GLIS3: variants seen among roughly 807,000 people sequenced by gnomAD.
The protein encoded by GLIS3 is GLIS family zinc finger 3.
Under a neutral mutation model 78.6 loss-of-function variants are expected in GLIS3, and 53 were observed. The ratio of observed to expected loss-of-function variants is 0.67; its 90% CI spans 0.54 to 0.85. The LOEUF is 0.85. Ranked by LOEUF, GLIS3 falls within the 40% of genes least tolerant of loss-of-function variation. The pLI is 0.00. For missense variants in GLIS3, 1,703 were observed against 1,231.1 expected (o/e 1.38, Z -5.74); for synonymous variants, 684 against 509.9 (o/e 1.34, Z -4.60).
intron 6 of GLIS3, among the ~76,000 whole-genome samples, chr9:3,901,581 G>GTT (rs1588185086): frequency 6.6e-6 from 1 of 152,214 alleles, no homozygotes; most frequent in African/African-American, 2.4e-5. Flanking sequence ...GTAAGTTACT[G>GTT]TTTAGAGAGA....
the GLIS3 span, among the ~76,000 whole-genome samples, chr9:4,418,346 T>C: frequency 6.6e-6 from 1 of 152,224 alleles, no homozygotes; most frequent in Non-Finnish European, 1.5e-5. Context: ...TGTAGCCTTA[T>C]GCAAGTCACA....
intron 2 of GLIS3, among the ~76,000 whole-genome samples, chr9:4,247,029 CA>C (rs1202948082): frequency 6.6e-6 from 1 of 152,140 alleles, no homozygotes; most frequent in Non-Finnish European, 1.5e-5. Context: ...TTCACTAGAA[CA>C]ACTGAGTTTT....
chr9:4,025,376 G>A (rs144673315), intron 4 of GLIS3, among the ~76,000 whole-genome samples: 37 of 152,196 alleles, frequency 2.4e-4, no homozygotes, highest in African/African-American at 8.4e-4. Context: ...TTGACCCTTG[G>A]TTGGTTTATT....
chr9:4,215,164 T>C (rs1820706802), intron 2 of GLIS3, among the ~76,000 whole-genome samples: 1 of 152,160 alleles, frequency 6.6e-6, no homozygotes, highest in African/African-American at 2.4e-5. Context: ...TCCAACCTCC[T>C]CCTTGAAGAA....
intron 2 of GLIS3, among the ~76,000 whole-genome samples, chr9:4,325,208 AT>A (rs1259438271): frequency 1.3e-5 from 2 of 152,200 alleles, no homozygotes; most frequent in Non-Finnish European, 2.9e-5. Context: ...TGCAAATACA[AT>A]CACATTTTTT....
chr9:4,425,055 C>G, the GLIS3 span, among the ~76,000 whole-genome samples: 1 of 152,062 alleles, frequency 6.6e-6, no homozygotes, highest in East Asian at 1.9e-4. Context: ...AACACAATGA[C>G]TGGAAGCTGA....
At chr9:4,065,958 C>G (rs1397290402) in intron 4 of GLIS3, among the ~76,000 whole-genome samples, 4 of 151,082 alleles carry the variant, frequency 2.6e-5, no homozygotes, top group Non-Finnish European at 5.9e-5. Context: ...AAATATGAGA[C>G]TTCCTGGTGA....
At position 4,118,849 on chromosome 9, in the gene GLIS3, G is replaced by C. The variant is rs746828453; in HGVS notation, c.629C>G (p.Thr210Arg). Residue 210 changes from threonine (T) to arginine (R), a missense_variant, in exon 4 of 11, where the codon ACG becomes AGG. Coordinates refer to ENST00000381971, the MANE Select transcript of GLIS3 (RefSeq NM_001042413.2). This position sits in a 1 kb window ranked among gnomAD's most constrained non-coding sequence, Gnocchi z 4.7. ...CTGACTTTCCGTCAGACTCAAGGTC[G>C]TGGACGCCAAAGACTCACGCGAAAT... is the stretch of plus-strand genomic sequence containing the variant. ...SLISRESLAS[T>R]TLSLTESQSA... The C allele has an allele frequency of 1.9e-6, 3 of 1,603,450 alleles. No homozygotes were observed. The highest frequency in any genetic ancestry group is 2.7e-5 in the African/African-American group (2 of 74,876).
At chr9:4,338,471 G>C (rs942592782) in intron 2 of GLIS3, among the ~76,000 whole-genome samples, 16 of 151,870 alleles carry the variant, frequency 1.1e-4, no homozygotes, top group African/African-American at 3.9e-4. Context: ...CTCAGGACTG[G>C]TATTTGGGAG....
rs1026211453 is a variant in GLIS3, at chr9:3,856,245, C to T, written c.2298-61G>A. 5 of 1,461,912 alleles carry T rather than the reference C, an allele frequency of 3.4e-6. No individual in the cohort carries two copies. The Admixed American group carries it at 7.6e-5, about 22-fold the overall frequency. 90.6% of individuals were successfully genotyped at this position (1,461,912 alleles called of 1,614,324 possible). On this transcript the variant is annotated intron_variant, in intron 8 of 10. Coordinates refer to ENST00000381971, the MANE Select transcript of GLIS3 (RefSeq NM_001042413.2). ...ATAAAACAGCAGGAACAAAGACAAA[C>T]TCTCCAAAGCCAAATTCTCACCTCC...
At chr9:4,133,789 A>C (rs994836533) in intron 2 of GLIS3, among the ~76,000 whole-genome samples, 2 of 151,554 alleles carry the variant, frequency 1.3e-5, no homozygotes, top group African/African-American at 4.8e-5. Context: ...GAGTGCCCAG[A>C]AACAGCATGC....
chr9:4,223,851 C>T (rs763924977), intron 2 of GLIS3, among the ~76,000 whole-genome samples: 1 of 152,054 alleles, frequency 6.6e-6, no homozygotes, highest in Non-Finnish European at 1.5e-5. Flanking sequence ...TTACAAATGT[C>T]GGGAATTCTA....
At chr9:4,450,712 G>T in the GLIS3 span, among the ~76,000 whole-genome samples, 2 of 152,166 alleles carry the variant, frequency 1.3e-5, no homozygotes, top group African/African-American at 4.8e-5. Context: ...TTAAAGAAAA[G>T]AATTTTCAAC....
chr9:4,255,854 T>C (rs1473260471), intron 2 of GLIS3, among the ~76,000 whole-genome samples: 1 of 152,124 alleles, frequency 6.6e-6, no homozygotes, highest in African/African-American at 2.4e-5. Flanking sequence ...AGGTAAACTA[T>C]GGACTCTGGG....
intron 4 of GLIS3, among the ~76,000 whole-genome samples, chr9:3,971,070 T>G (rs1458102079): frequency 1.6e-5 from 1 of 63,908 alleles, no homozygotes. Flanking sequence ...AAGGAAGGAT[T>G]AATTGAAGGA....
the GLIS3 span, among the ~76,000 whole-genome samples, chr9:4,443,185 C>T: frequency 6.6e-6 from 1 of 152,116 alleles, no homozygotes; most frequent in Non-Finnish European, 1.5e-5. Flanking sequence ...TTCTAGAGTC[C>T]CTGTTTCTAG....
intron 4 of GLIS3, among the ~76,000 whole-genome samples, chr9:4,030,834 C>T (rs940487018): frequency 6.6e-6 from 1 of 152,194 alleles, no homozygotes; most frequent in Non-Finnish European, 1.5e-5. Flanking sequence ...AAATATTCTA[C>T]AATGTAATGA....
At chr9:4,370,176 T>G in the GLIS3 span, among the ~76,000 whole-genome samples, 1 of 84,676 alleles carries the variant, frequency 1.2e-5, no homozygotes, top group African/African-American at 4.6e-5. Flanking sequence ...AGAGCAAGAC[T>G]CCATCTCAAA....
At chr9:4,011,975 A>G (rs942160529) in intron 4 of GLIS3, among the ~76,000 whole-genome samples, 19 of 152,134 alleles carry the variant, frequency 1.2e-4, no homozygotes, top group Non-Finnish European at 2.1e-4. Context: ...GAAAGGTGAC[A>G]GGGGAGGGGG....
Sources: allele counts gnomAD v4.1 joint callset (sites outside exome capture counted in the v4.1 genomes callset), GRCh38; gene constraint gnomAD v4.1.1; non-coding constraint Gnocchi (gnomAD v3.1); transcripts MANE v1.5; gene names NCBI Gene and HGNC (gene_info 2026-07-23, HGNC 2026-07-21).